NOL4: variants seen among roughly 807,000 people sequenced by gnomAD.
NOL4 encodes the protein cancer/testis antigen 125.
In NOL4, 17 loss-of-function variants were observed where a neutral mutation model predicts 75.9. The ratio of observed to expected loss-of-function variants is 0.22; its 90% CI spans 0.15 to 0.34. The LOEUF is 0.34. Among genes scored for constraint, NOL4 ranks in the 10% least tolerant of loss-of-function variants. The pLI, the probability that NOL4 is intolerant of heterozygous loss-of-function variation, is 1.00. For synonymous variants in NOL4, 292 were observed against 289.9 expected, an observed-to-expected ratio of 1.01 and a Z score of -0.07; for missense variants, 614 against 793.5, an observed-to-expected ratio of 0.77 and a Z score of 2.72.
At chr18:34,013,000 T>C (rs1187022567) in intron 6 of NOL4, among the ~76,000 whole-genome samples, 1 of 151,954 alleles carries the variant, frequency 6.6e-6, no homozygotes, top group Non-Finnish European at 1.5e-5. Flanking sequence ...TTATCACTTA[T>C]CTGATTGTAT....
At chr18:33,910,584 C>T (rs879909884) in intron 9 of NOL4, among the ~76,000 whole-genome samples, 11 of 152,042 alleles carry the variant, frequency 7.2e-5, no homozygotes, top group South Asian at 2.1e-4. Context: ...ACCCACCCCA[C>T]GCCTATGTAA....
chr18:34,097,178 T>C (rs1225710656), intron 4 of NOL4, among the ~76,000 whole-genome samples: 2 of 152,208 alleles, frequency 1.3e-5, no homozygotes, highest in African/African-American at 4.8e-5. Flanking sequence ...CCCTATCCAT[T>C]GTTTATCAAA....
At chr18:34,192,134 T>C (rs1243932549) in intron 1 of NOL4, among the ~76,000 whole-genome samples, 1 of 152,184 alleles carries the variant, frequency 6.6e-6, no homozygotes, top group Non-Finnish European at 1.5e-5. Context: ...TATTGGTATC[T>C]GCAAAATCAA....
intron 1 of NOL4, among the ~76,000 whole-genome samples, chr18:34,161,955 A>C (rs1600760245): frequency 6.6e-6 from 1 of 152,146 alleles, no homozygotes; most frequent in Admixed American, 6.5e-5. Flanking sequence ...GGTAATATTT[A>C]TTTAATTTTT....
At chr18:33,878,674 T>C (rs888591885) in intron 10 of NOL4, among the ~76,000 whole-genome samples, 2 of 152,034 alleles carry the variant, frequency 1.3e-5, no homozygotes, top group Non-Finnish European at 2.9e-5. Flanking sequence ...CCCAGCCTAA[T>C]TCAAAATTTT....
chr18:34,209,240 T>C (rs955025505), intron 1 of NOL4, among the ~76,000 whole-genome samples: 1 of 148,536 alleles, frequency 6.7e-6, no homozygotes, highest in African/African-American at 2.5e-5. Flanking sequence ...ACATGTTATA[T>C]AGAAATGGTA....
At chr18:34,180,771 T>C (rs1023443013) in intron 1 of NOL4, among the ~76,000 whole-genome samples, 14 of 151,524 alleles carry the variant, frequency 9.2e-5, no homozygotes, top group African/African-American at 3.4e-4. Flanking sequence ...TTAAAATGTT[T>C]CATTTTATAT....
At chr18:34,049,328 C>T (rs2076530648) in intron 5 of NOL4, among the ~76,000 whole-genome samples, 1 of 151,662 alleles carries the variant, frequency 6.6e-6, no homozygotes, top group African/African-American at 2.4e-5. Context: ...AGTATCAAGC[C>T]ACATTGTAGG....
intron 6 of NOL4, among the ~76,000 whole-genome samples, chr18:33,982,295 A>T (rs2072029413): frequency 6.6e-6 from 1 of 152,114 alleles, no homozygotes; most frequent in South Asian, 2.1e-4. Flanking sequence ...TCAAGATCCA[A>T]CCACATGCTG....
At chr18:34,198,783 T>C (rs1454625121) in intron 1 of NOL4, among the ~76,000 whole-genome samples, 3 of 151,808 alleles carry the variant, frequency 2.0e-5, no homozygotes, top group Non-Finnish European at 4.4e-5. Flanking sequence ...AGCTTTCCAC[T>C]ATTATAGTGT....
intron 2 of NOL4, among the ~76,000 whole-genome samples, chr18:34,117,614 GA>G (rs202055053): frequency 0.015 from 2,225 of 152,268 alleles, 17 homozygotes; most frequent in Middle Eastern, 0.034. Context: ...GCTCCGCCTG[GA>G]AAAAATTAAC....
At chr18:33,888,081 T>G (rs1027827222) in intron 9 of NOL4, among the ~76,000 whole-genome samples, 44 of 152,138 alleles carry the variant, frequency 2.9e-4, no homozygotes, top group Non-Finnish European at 6.0e-4. Context: ...TCCAGCACCT[T>G]TTGTTTCCTG....
chr18:33,935,991 T>C (rs912819766), intron 9 of NOL4, among the ~76,000 whole-genome samples: 3 of 152,148 alleles, frequency 2.0e-5, no homozygotes, highest in Admixed American at 1.3e-4. Context: ...AATATCACAA[T>C]GTCTAAATTT....
At chr18:34,023,383 C>T (rs997955101) in intron 5 of NOL4, 11 of 454,634 alleles carry the variant, frequency 2.4e-5, no homozygotes, top group African/African-American at 2.2e-4. Flanking sequence ...GGATCTCAGA[C>T]TCCTGTAACC....
At chr18:33,870,896 C>T (rs1017438581) in intron 10 of NOL4, among the ~76,000 whole-genome samples, 2 of 152,082 alleles carry the variant, frequency 1.3e-5, no homozygotes, top group Non-Finnish European at 2.9e-5. Flanking sequence ...TGTTTCCCTC[C>T]GTGGCCATTT....
intron 2 of NOL4, among the ~76,000 whole-genome samples, chr18:34,126,597 T>C (rs1419770278): frequency 6.6e-6 from 1 of 152,098 alleles, no homozygotes; most frequent in Non-Finnish European, 1.5e-5. Context: ...CTTTGATTAG[T>C]CCCTAATTTA....
At chr18:34,194,907 C>T (rs2035214944) in intron 1 of NOL4, among the ~76,000 whole-genome samples, 1 of 151,800 alleles carries the variant, frequency 6.6e-6, no homozygotes, top group South Asian at 2.1e-4. Context: ...GCCTGTAATC[C>T]TAGCTACTCG....
chr18:34,083,866 CGTT>C (rs1600524077), intron 5 of NOL4, among the ~76,000 whole-genome samples: 2 of 152,234 alleles, frequency 1.3e-5, no homozygotes, highest in South Asian at 2.1e-4. Flanking sequence ...CATCCATGGA[CGTT>C]GTTGTTGTTT....
intron 4 of NOL4, among the ~76,000 whole-genome samples, chr18:34,099,287 C>G: frequency 6.8e-6 from 1 of 146,422 alleles, no homozygotes; most frequent in East Asian, 2.1e-4. Flanking sequence ...TGCTTGAACC[C>G]TTGAGGCGGA....
Sources: allele counts gnomAD v4.1 joint callset (sites outside exome capture counted in the v4.1 genomes callset), GRCh38; gene constraint gnomAD v4.1.1; transcripts MANE v1.5; gene names NCBI Gene and HGNC (gene_info 2026-07-23, HGNC 2026-07-21).